Variants in AFF3 observed in about 807,000 individuals in gnomAD.
AFF3 encodes ALF transcription elongation factor 3, also known as AF4/FMR2 family member 3.
Under a neutral mutation model 129.7 loss-of-function variants are expected in AFF3, and 32 were observed. The observed-to-expected ratio is 0.25, with a 90% CI of 0.19 to 0.33. The LOEUF is 0.33. Ranked by LOEUF, AFF3 falls within the 10% of genes least tolerant of loss-of-function variation. The pLI is 1.00. For synonymous variants in AFF3, 644 were observed against 635.4 expected (o/e 1.01, Z -0.20); for missense variants, 1,373 against 1,592.0 (o/e 0.86, Z 2.34).
At chr2:100,055,623 G>A (rs894142068) in intron 4 of AFF3, among the ~76,000 whole-genome samples, 8 of 152,166 alleles carry the variant, frequency 5.3e-5, no homozygotes, top group African/African-American at 1.9e-4. Flanking sequence ...CCAGTGTTCT[G>A]TCTAGGCCAG....
chr2:99,718,594 T>C (rs530308792), intron 11 of AFF3, among the ~76,000 whole-genome samples: 12 of 152,318 alleles, frequency 7.9e-5, no homozygotes, highest in African/African-American at 2.2e-4. Flanking sequence ...TCAATCTTTA[T>C]GTCTACTACT....
At chr2:99,961,249 C>T (rs1444161956) in intron 7 of AFF3, among the ~76,000 whole-genome samples, 1 of 152,178 alleles carries the variant, frequency 6.6e-6, no homozygotes, top group African/African-American at 2.4e-5. Context: ...AGATGCTAAT[C>T]TCCAGCTTTC....
At chr2:99,614,519 A>T in intron 13 of AFF3, among the ~76,000 whole-genome samples, 1 of 152,226 alleles carries the variant, frequency 6.6e-6, no homozygotes, top group East Asian at 1.9e-4. Flanking sequence ...CAGAGAGCAC[A>T]GATGTCACCT....
At chr2:99,770,720 G>A (rs1400891959) in intron 8 of AFF3, among the ~76,000 whole-genome samples, 1 of 151,910 alleles carries the variant, frequency 6.6e-6, no homozygotes, top group Non-Finnish European at 1.5e-5. Context: ...CCAGGACTTG[G>A]TCCTTCCCTT....
intron 7 of AFF3, among the ~76,000 whole-genome samples, chr2:99,911,817 T>C (rs1204185909): frequency 2.6e-5 from 4 of 152,162 alleles, no homozygotes. Context: ...TGTGTTGTTA[T>C]GCCATAATGT....
intron 8 of AFF3, among the ~76,000 whole-genome samples, chr2:99,791,445 A>G (rs1279259819): frequency 6.6e-6 from 1 of 152,204 alleles, no homozygotes; most frequent in African/African-American, 2.4e-5. Flanking sequence ...TAATGACAAG[A>G]AAGATAGTCT....
chr2:99,804,595 A>G (rs1686200035), intron 8 of AFF3, among the ~76,000 whole-genome samples: 2 of 152,234 alleles, frequency 1.3e-5, no homozygotes, highest in Non-Finnish European at 2.9e-5. Context: ...GTATCTATCC[A>G]AAGGAAAATA....
chr2:100,115,624 G>A (rs764113188), intron 2 of AFF3, among the ~76,000 whole-genome samples: 18 of 152,076 alleles, frequency 1.2e-4, no homozygotes, highest in South Asian at 6.2e-4. Flanking sequence ...TTGTTCATCC[G>A]TTATATTTTC....
chr2:99,664,781 T>C (rs1686531256), intron 12 of AFF3, among the ~76,000 whole-genome samples: 1 of 152,256 alleles, frequency 6.6e-6, no homozygotes, highest in African/African-American at 2.4e-5. Context: ...TATTTAGCAG[T>C]TCTGCTGTGC....
intron 8 of AFF3, among the ~76,000 whole-genome samples, chr2:99,799,839 A>ACT (rs1685805870): frequency 6.6e-6 from 1 of 152,156 alleles, no homozygotes; most frequent in South Asian, 2.1e-4. Context: ...TGCAAAGGCA[A>ACT]TTAAGTGGAG....
rs549406392 is a variant in AFF3, at chr2:99,752,615, A to G, written c.922-314T>C. 4.9e-4 allele frequency among the ~76,000 whole-genome samples: 75 copies of G among 152,294 alleles called. No homozygotes were observed. In the South Asian group the frequency reaches 0.012, roughly 24 times the overall value. Reference sequence around the variant, plus strand: ...TCTAGTAGCAAAAGTTCTATGGAAAATGCCACATGAAGGGGACTCGGACTT... The same window carrying G: ...TCTAGTAGCAAAAGTTCTATGGAAAGTGCCACATGAAGGGGACTCGGACTT... On this transcript the variant is annotated intron_variant, in intron 8 of 24. Coordinates refer to ENST00000672756, the MANE Select transcript of AFF3 (RefSeq NM_001386135.1).
chr2:99,958,715 T>C (rs1676909607), intron 7 of AFF3, among the ~76,000 whole-genome samples: 1 of 151,934 alleles, frequency 6.6e-6, no homozygotes, highest in Non-Finnish European at 1.5e-5. Context: ...CACACAGTAT[T>C]ATGACCTATG....
At chr2:99,973,119 T>A (rs1678551854) in intron 7 of AFF3, among the ~76,000 whole-genome samples, 1 of 152,206 alleles carries the variant, frequency 6.6e-6, no homozygotes. Context: ...CTTGTGTCAT[T>A]TCTAAGGCTT....
chr2:99,906,310 G>A (rs934469182), intron 7 of AFF3, among the ~76,000 whole-genome samples: 5 of 152,122 alleles, frequency 3.3e-5, no homozygotes, highest in African/African-American at 9.7e-5. Context: ...TAGGAAACAC[G>A]CTTGGCCACA....
intron 12 of AFF3, among the ~76,000 whole-genome samples, chr2:99,662,511 A>T (rs1164840195): frequency 1.3e-5 from 2 of 152,146 alleles, no homozygotes; most frequent in African/African-American, 4.8e-5. Context: ...TGGCATTGAA[A>T]ATTTACTCAA....
rs192223906 is a variant in AFF3 at position 100,067,290 on chromosome 2, T to G, written c.53+37112A>C. ...AAAGCTTATTTTTTCCAGTCCAATA[T>G]ACAGCCAAAGGAAGGAGCAGGATAA... is the stretch of plus-strand genomic sequence containing the variant. On this transcript the variant is annotated intron_variant, in intron 4 of 24. Transcript: ENST00000672756. Among the ~76,000 whole-genome samples, 45 of 151,952 alleles carry G rather than the reference T, an allele frequency of 3.0e-4. 1 individual carries two copies. The East Asian group carries it at 8.3e-3, about 28-fold the overall frequency.
intron 7 of AFF3, among the ~76,000 whole-genome samples, chr2:99,979,628 A>C (rs1243073023): frequency 6.6e-6 from 1 of 151,816 alleles, no homozygotes; most frequent in African/African-American, 2.4e-5. Flanking sequence ...ACAGACATGC[A>C]CCACCACGAC....
chr2:100,118,619 A>G (rs574719401), intron 2 of AFF3, among the ~76,000 whole-genome samples: 1 of 151,972 alleles, frequency 6.6e-6, no homozygotes. Flanking sequence ...GGTTATAATG[A>G]TGGGATTTTT....
At chr2:99,621,562 T>A (rs1682017855) in intron 13 of AFF3, among the ~76,000 whole-genome samples, 1 of 152,224 alleles carries the variant, frequency 6.6e-6, no homozygotes, top group Non-Finnish European at 1.5e-5. Flanking sequence ...TGCAACCATA[T>A]GTGCCTGGTA....
Sources: allele counts gnomAD v4.1 joint callset (sites outside exome capture counted in the v4.1 genomes callset), GRCh38; gene constraint gnomAD v4.1.1; transcripts MANE v1.5; gene names NCBI Gene and HGNC (gene_info 2026-07-23, HGNC 2026-07-21).